The following RAPGEF4 variants were observed in gnomAD, a reference collection of about 807,000 sequenced individuals.
RAPGEF4 encodes the protein RAP guanine-nucleotide-exchange factor (GEF) 4.
In RAPGEF4, 66 loss-of-function variants were observed where a neutral mutation model predicts 147.9. The observed-to-expected ratio is 0.45, with a 90% confidence interval of 0.37 to 0.55. RAPGEF4 has a LOEUF of 0.55. Among genes scored for constraint, RAPGEF4 ranks in the 20% least tolerant of loss-of-function variants. The pLI is 0.00. For synonymous variants in RAPGEF4, 419 were observed against 442.7 expected (o/e 0.95, Z 0.67); for missense variants, 1,071 against 1,257.3 (o/e 0.85, Z 2.24).
intron 4 of RAPGEF4, among the ~76,000 whole-genome samples, chr2:172,871,159 A>G (rs553133584): frequency 6.6e-6 from 1 of 152,290 alleles, no homozygotes; most frequent in Non-Finnish European, 1.5e-5. Flanking sequence ...ACTGTATCAT[A>G]TCTGAAATCC....
At chr2:172,920,889 C>G (rs1204345441) in intron 5 of RAPGEF4, among the ~76,000 whole-genome samples, 1 of 152,096 alleles carries the variant, frequency 6.6e-6, no homozygotes, top group Non-Finnish European at 1.5e-5. Context: ...CTCTTTCTGA[C>G]AGACCTGGGA....
At chr2:172,864,024 T>C (rs1186530610) in intron 4 of RAPGEF4, among the ~76,000 whole-genome samples, 2 of 152,148 alleles carry the variant, frequency 1.3e-5, no homozygotes, top group African/African-American at 4.8e-5. Flanking sequence ...AACTACAAGA[T>C]GATATGTATG....
chr2:172,757,490 C>T (rs1559025492), intron 1 of RAPGEF4, among the ~76,000 whole-genome samples: 1 of 152,220 alleles, frequency 6.6e-6, no homozygotes. Flanking sequence ...TACTGAGAAG[C>T]TGTCACTCCT....
At chr2:173,022,962 C>A (rs374777313) in intron 23 of RAPGEF4, among the ~76,000 whole-genome samples, 22 of 152,212 alleles carry the variant, frequency 1.4e-4, no homozygotes, top group African/African-American at 5.1e-4. Context: ...TAGTACCTAC[C>A]ACATCATCGC....
At chr2:173,005,604 C>A (rs1283644250) in intron 17 of RAPGEF4, among the ~76,000 whole-genome samples, 1 of 139,166 alleles carries the variant, frequency 7.2e-6, no homozygotes, top group East Asian at 2.4e-4. Context: ...CTCACTGCAA[C>A]CTCCGCCTCC....
intron 17 of RAPGEF4, among the ~76,000 whole-genome samples, chr2:173,006,893 A>T (rs1316130518): frequency 6.6e-6 from 1 of 152,166 alleles, no homozygotes; most frequent in South Asian, 2.1e-4. Context: ...TTTGATCCAT[A>T]TGTCACCGTC....
intron 1 of RAPGEF4, among the ~76,000 whole-genome samples, chr2:172,760,878 A>G (rs1476826950): frequency 2.6e-5 from 4 of 152,184 alleles, no homozygotes; most frequent in Admixed American, 6.5e-5. Flanking sequence ...TCTAACATTC[A>G]TTATCTTTGG....
At chr2:173,014,731 C>T in intron 18 of RAPGEF4, 117 bp downstream of exon 18, 1 of 964,830 alleles carries the variant, frequency 1.0e-6, no homozygotes, top group Non-Finnish European at 1.4e-6. Flanking sequence ...ACTTTGTGAA[C>T]ACATTCATTC....
In RAPGEF4 at chr2:173,021,850, T is replaced by C. The variant is rs762616790; in HGVS notation, c.2253+1135T>C. Among the ~76,000 whole-genome samples, 3 of 152,322 alleles carry C rather than the reference T, an allele frequency of 2.0e-5. No homozygotes were observed. In the East Asian group the frequency reaches 5.8e-4, roughly 29 times the overall value. On this transcript the variant is annotated intron_variant, in intron 23 of 30. Coordinates refer to ENST00000397081, the MANE Select transcript of RAPGEF4 (RefSeq NM_007023.4). ...GATTTTTACCATATTTTGAATTCAC[T>C]TGGAGAGGAACTTAGCAAATGTGGC...
At chr2:173,033,991 G>C in intron 27 of RAPGEF4, 27 bp downstream of exon 27, 1 of 1,592,980 alleles carries the variant, frequency 6.3e-7, no homozygotes. Context: ...TCTTTATTCT[G>C]TTCACTGTCT....
chr2:172,787,107 G>T (rs1310823533), intron 1 of RAPGEF4, among the ~76,000 whole-genome samples: 1 of 152,254 alleles, frequency 6.6e-6, no homozygotes, highest in Admixed American at 6.5e-5. Context: ...AGCTACTTGG[G>T]AGGCTGAGGC....
intron 4 of RAPGEF4, among the ~76,000 whole-genome samples, chr2:172,883,745 G>A (rs1310834723): frequency 6.6e-6 from 1 of 152,138 alleles, no homozygotes; most frequent in Non-Finnish European, 1.5e-5. Context: ...GTGTCTGGGA[G>A]AGGACTTAAG....
intron 6 of RAPGEF4, among the ~76,000 whole-genome samples, chr2:172,933,855 G>A (rs1310376288): frequency 6.6e-6 from 1 of 152,118 alleles, no homozygotes; most frequent in Non-Finnish European, 1.5e-5. Context: ...GACATCCTCA[G>A]GGACCTAATT....
intron 4 of RAPGEF4, among the ~76,000 whole-genome samples, chr2:172,823,843 T>C (rs983353776): frequency 7.9e-5 from 12 of 152,224 alleles, no homozygotes; most frequent in African/African-American, 2.9e-4. Flanking sequence ...TGGTCTGGCC[T>C]GAGATTCTGG....
intron 23 of RAPGEF4, among the ~76,000 whole-genome samples, chr2:173,023,502 A>G (rs1696319384): frequency 6.6e-6 from 1 of 152,098 alleles, no homozygotes; most frequent in South Asian, 2.1e-4. Flanking sequence ...CCCCACTTCT[A>G]AGGGAGAAGC....
At chr2:172,773,089 G>T (rs1683792121) in intron 1 of RAPGEF4, among the ~76,000 whole-genome samples, 1 of 152,036 alleles carries the variant, frequency 6.6e-6, no homozygotes, top group Non-Finnish European at 1.5e-5. Flanking sequence ...ATTTACATTG[G>T]TTTTTAAAGA....
intron 17 of RAPGEF4, among the ~76,000 whole-genome samples, chr2:173,011,178 A>ACACACT (rs1694992021): frequency 7.0e-6 from 1 of 143,428 alleles, no homozygotes; most frequent in Non-Finnish European, 1.5e-5. Flanking sequence ...GCGCACACAC[A>ACACACT]CACACACACA....
intron 4 of RAPGEF4, among the ~76,000 whole-genome samples, chr2:172,870,037 C>G (rs1019594963): frequency 2.6e-5 from 4 of 152,082 alleles, no homozygotes; most frequent in Admixed American, 2.0e-4. Context: ...CCTGGGTGTG[C>G]TGCAGCACCC....
chr2:173,051,460 A>G (rs543708748), intron 30 of RAPGEF4, among the ~76,000 whole-genome samples, 180 bp from the exon 31 acceptor site: 3 of 152,220 alleles, frequency 2.0e-5, no homozygotes, highest in African/African-American at 7.2e-5. Flanking sequence ...AGAAAATTGG[A>G]GGGTAGGAAG....
Sources: allele counts gnomAD v4.1 joint callset (sites outside exome capture counted in the v4.1 genomes callset), GRCh38; gene constraint gnomAD v4.1.1; transcripts MANE v1.5; gene names NCBI Gene and HGNC (gene_info 2026-07-23, HGNC 2026-07-21).